Variants in HPSE2 observed in about 807,000 individuals in gnomAD.
HPSE2 encodes the protein heparanase 2 (inactive).
HPSE2 carries 38 observed loss-of-function variants against 60.5 expected under a neutral mutation model. The observed-to-expected ratio is 0.63, with a 90% CI of 0.48 to 0.82. The LOEUF is 0.82. Ranked by LOEUF, HPSE2 falls within the 40% of genes least tolerant of loss-of-function variation. The pLI is 0.00. For synonymous variants in HPSE2, 295 were observed against 293.2 expected (o/e 1.01, Z -0.06); for missense variants, 713 against 740.4 (o/e 0.96, Z 0.43).
intron 9 of HPSE2, among the ~76,000 whole-genome samples, chr10:98,603,769 C>T (rs979730680): frequency 6.6e-6 from 1 of 152,036 alleles, no homozygotes; most frequent in Non-Finnish European, 1.5e-5. Flanking sequence ...AACTAGTTAA[C>T]CATAGCCTAA....
intron 2 of HPSE2, among the ~76,000 whole-genome samples, chr10:99,223,338 T>C (rs1467708542): frequency 2.6e-5 from 4 of 152,220 alleles, no homozygotes. Flanking sequence ...ATTATTATTA[T>C]GGTTGTGTTA....
chr10:98,770,851 T>C (rs1019659694), intron 3 of HPSE2, among the ~76,000 whole-genome samples: 15 of 152,216 alleles, frequency 9.9e-5, no homozygotes, highest in African/African-American at 3.6e-4. Flanking sequence ...GACTGACTCA[T>C]CAACCAAAAG....
intron 9 of HPSE2, among the ~76,000 whole-genome samples, chr10:98,582,139 A>G (rs1944816779): frequency 6.6e-6 from 1 of 152,192 alleles, no homozygotes; most frequent in Non-Finnish European, 1.5e-5. Context: ...AAAGATGAAA[A>G]AACAGAACTA....
intron 4 of HPSE2, among the ~76,000 whole-genome samples, chr10:98,739,898 A>G (rs1047549237): frequency 6.6e-6 from 1 of 152,120 alleles, no homozygotes; most frequent in African/African-American, 2.4e-5. Flanking sequence ...CTCTCTAGAG[A>G]ACAAACACCA....
chr10:98,604,192 C>G (rs1423250227), intron 9 of HPSE2, among the ~76,000 whole-genome samples: 1 of 151,732 alleles, frequency 6.6e-6, no homozygotes, highest in African/African-American at 2.4e-5. Context: ...ATTATCTGAA[C>G]AGGAATTAAA....
intron 1 of HPSE2, among the ~76,000 whole-genome samples, chr10:99,234,498 T>C (rs1589853670): frequency 6.6e-6 from 1 of 152,184 alleles, no homozygotes; most frequent in East Asian, 1.9e-4. Context: ...CTCCAACTTG[T>C]AGGGAATTTT....
At chr10:99,062,492 G>A (rs1482653585) in intron 3 of HPSE2, among the ~76,000 whole-genome samples, 4 of 152,024 alleles carry the variant, frequency 2.6e-5, no homozygotes, top group Non-Finnish European at 5.9e-5. Context: ...TATTTTGAGA[G>A]CATTTTAAAT....
chr10:98,917,239 T>C (rs1954144937), intron 3 of HPSE2, among the ~76,000 whole-genome samples: 1 of 152,182 alleles, frequency 6.6e-6, no homozygotes, highest in African/African-American at 2.4e-5. Flanking sequence ...ACATTTTTAA[T>C]AGAAACAATT....
At chr10:99,236,121 CCCCTTTAAGAGATTTCTACT>C (rs1250697905), upstream of HPSE2, among the ~76,000 whole-genome samples, 3 of 151,458 alleles carry the variant, frequency 2.0e-5, no homozygotes, top group Non-Finnish European at 4.4e-5. Flanking sequence ...ACCGGCACCG[CCCCTTTAAGAGATTTCTACT>C]GCAGACATTT....
At chr10:99,058,022 T>C (rs991682664) in intron 3 of HPSE2, among the ~76,000 whole-genome samples, 3 of 152,122 alleles carry the variant, frequency 2.0e-5, no homozygotes, top group African/African-American at 7.2e-5. Context: ...CATTAGCTCA[T>C]GGAGGGGAAT....
chr10:98,742,747 G>A (rs998191190), intron 4 of HPSE2, among the ~76,000 whole-genome samples: 2 of 147,540 alleles, frequency 1.4e-5, no homozygotes, highest in African/African-American at 5.0e-5. Context: ...ATTGTTCCAT[G>A]GAATGAATGA....
chr10:98,995,193 A>C (rs973118811), intron 3 of HPSE2, among the ~76,000 whole-genome samples: 1 of 152,140 alleles, frequency 6.6e-6, no homozygotes, highest in Non-Finnish European at 1.5e-5. Flanking sequence ...TCTGCTGACT[A>C]TTCTGGCTCC....
chr10:98,500,343 A>G (rs1941989636), intron 9 of HPSE2, among the ~76,000 whole-genome samples: 1 of 152,224 alleles, frequency 6.6e-6, no homozygotes, highest in South Asian at 2.1e-4. Flanking sequence ...CCACAGTGGA[A>G]TAAAACTGGA....
chr10:98,980,053 T>C (rs927669329), intron 3 of HPSE2, among the ~76,000 whole-genome samples: 7 of 152,204 alleles, frequency 4.6e-5, no homozygotes, highest in African/African-American at 1.7e-4. Context: ...TCTTCATGTT[T>C]GTAATTCCCC....
the HPSE2 span, among the ~76,000 whole-genome samples, chr10:99,309,244 G>A: frequency 6.6e-6 from 1 of 152,164 alleles, no homozygotes; most frequent in South Asian, 2.1e-4. Flanking sequence ...TGAAAATGCT[G>A]TGAAATTAGG....
intron 3 of HPSE2, among the ~76,000 whole-genome samples, chr10:98,851,037 G>A (rs1036217398): frequency 2.0e-5 from 3 of 152,192 alleles, no homozygotes; most frequent in Non-Finnish European, 4.4e-5. Context: ...AGTTGGCAAT[G>A]CGAGTGAAAC....
intron 9 of HPSE2, among the ~76,000 whole-genome samples, chr10:98,580,836 A>ATGTGTGTGTGTGTGTG (rs1244040035): frequency 6.7e-5 from 8 of 119,496 alleles, no homozygotes; most frequent in African/African-American, 2.9e-4. Flanking sequence ...ATATATATAT[A>ATGTGTGTGTGTGTGTG]TGTGTGTGTG....
chr10:98,844,801 T>C (rs1951997766), intron 3 of HPSE2, among the ~76,000 whole-genome samples: 1 of 152,234 alleles, frequency 6.6e-6, no homozygotes, highest in Admixed American at 6.5e-5. Flanking sequence ...GAGAAACAGG[T>C]AGCAGTATTC....
intron 3 of HPSE2, among the ~76,000 whole-genome samples, chr10:99,086,594 C>T (rs914948523): frequency 3.3e-5 from 5 of 151,640 alleles, no homozygotes; most frequent in Non-Finnish European, 5.9e-5. Context: ...CCTCGTGATC[C>T]GCCCGCCTCG....
Sources: allele counts gnomAD v4.1 joint callset (sites outside exome capture counted in the v4.1 genomes callset), GRCh38; gene constraint gnomAD v4.1.1; transcripts MANE v1.5; gene names NCBI Gene and HGNC (gene_info 2026-07-23, HGNC 2026-07-21).